The following SLIT3 variants were observed in gnomAD, a reference collection of about 807,000 sequenced individuals.
SLIT3 encodes the protein slit guidance ligand 3, also known as slit homolog 3 protein.
In SLIT3, 68 loss-of-function variants were observed where a neutral mutation model predicts 184.0. That is an observed-to-expected ratio of 0.37 (90% confidence interval 0.30 to 0.45). The LOEUF is 0.45. Ranked by LOEUF, SLIT3 falls within the 20% of genes least tolerant of loss-of-function variation. The pLI, the probability that SLIT3 is intolerant of heterozygous loss-of-function variation, is 1.00. For synonymous variants in SLIT3, 831 were observed against 828.6 expected, an observed-to-expected ratio of 1.00 and a Z score of -0.05; for missense variants, 1,707 against 2,026.0, an observed-to-expected ratio of 0.84 and a Z score of 3.02.
At chr5:168,734,036 G>T (rs1181044969) in intron 20 of SLIT3, among the ~76,000 whole-genome samples, 2 of 152,072 alleles carry the variant, frequency 1.3e-5, no homozygotes, top group Non-Finnish European at 2.9e-5. Context: ...GACTACAAAA[G>T]GTAGGAGGGT....
chr5:169,062,704 G>A (rs1758216606), intron 4 of SLIT3, among the ~76,000 whole-genome samples: 2 of 152,314 alleles, frequency 1.3e-5, no homozygotes, highest in Middle Eastern at 3.4e-3. Context: ...TCAAAACAGT[G>A]TAAATTCCAT....
At chr5:168,829,786 G>T (rs190681719) in intron 6 of SLIT3, among the ~76,000 whole-genome samples, 1 of 152,216 alleles carries the variant, frequency 6.6e-6, no homozygotes, top group African/African-American at 2.4e-5. Context: ...TCCTGTGGCC[G>T]GACCCTGTGA....
intron 4 of SLIT3, among the ~76,000 whole-genome samples, chr5:168,987,800 C>T (rs911986117): frequency 5.3e-5 from 8 of 152,178 alleles, no homozygotes; most frequent in African/African-American, 1.9e-4. Flanking sequence ...ATTTCCAGAA[C>T]GGGAAAGAAC....
At chr5:169,150,605 T>C (rs548105923) in intron 4 of SLIT3, among the ~76,000 whole-genome samples, 1 of 152,216 alleles carries the variant, frequency 6.6e-6, no homozygotes, top group African/African-American at 2.4e-5. Context: ...AATGTCTGTT[T>C]TAATCGCCCT....
At chr5:169,202,881 C>A (rs1763947751) in intron 3 of SLIT3, among the ~76,000 whole-genome samples, 1 of 147,172 alleles carries the variant, frequency 6.8e-6, no homozygotes, top group Non-Finnish European at 1.5e-5. Context: ...TCTCCAATGA[C>A]ATGGCTGTTA....
rs1757595256 is a variant in SLIT3, at chr5:168,823,341, T to C, written c.558-10A>G. ...GTTGTTGTTGAGGGTACTGTGGAGATAGACAAGGGAGATGGTCAGCCAGGC... is the reference window on the plus strand; with the variant it reads ...GTTGTTGTTGAGGGTACTGTGGAGACAGACAAGGGAGATGGTCAGCCAGGC... On this transcript the variant is annotated splice_polypyrimidine_tract_variant and intron_variant, in intron 6 of 35. Coordinates refer to ENST00000519560, the MANE Select transcript of SLIT3 (RefSeq NM_003062.4). 1.2e-6 allele frequency: 2 copies of C among 1,609,108 alleles called. No homozygotes were observed. The highest frequency in any genetic ancestry group is 1.1e-5 in the South Asian group (1 of 90,976).
intron 4 of SLIT3, among the ~76,000 whole-genome samples, chr5:168,919,441 T>C (rs1350137599): frequency 6.6e-6 from 1 of 152,068 alleles, no homozygotes; most frequent in Non-Finnish European, 1.5e-5. Flanking sequence ...AATAATTATG[T>C]TTTGAGATGG....
chr5:169,195,489 A>T (rs533003406), intron 3 of SLIT3, among the ~76,000 whole-genome samples: 1 of 152,316 alleles, frequency 6.6e-6, no homozygotes, highest in African/African-American at 2.4e-5. Context: ...AAGTTGGATA[A>T]GATAAGCTCT....
intron 4 of SLIT3, among the ~76,000 whole-genome samples, chr5:168,989,967 C>G (rs1755266231): frequency 6.6e-6 from 1 of 152,172 alleles, no homozygotes; most frequent in South Asian, 2.1e-4. Context: ...GCTGAGTAAA[C>G]AAGAAAGTCC....
In SLIT3 at chr5:169,077,657, G is replaced by A. The variant is rs183719268; in HGVS notation, c.413+115822C>T. ...TTAGGCTATTAGTAGCTAAGTTTTC[G>A]GGGAGTCAAAAGTTAAACAGAGATT... On this transcript the variant is annotated intron_variant, in intron 4 of 35. Transcript: ENST00000519560. Among the ~76,000 whole-genome samples, 27 of 152,130 alleles carry A rather than the reference G, an allele frequency of 1.8e-4. 2 individuals carry two copies. Among genetic ancestry groups the A allele is most frequent in the Admixed American group, 1.2e-3 (18 of 15,284 alleles).
At chr5:169,063,611 G>A (rs890563274) in intron 4 of SLIT3, among the ~76,000 whole-genome samples, 2 of 152,202 alleles carry the variant, frequency 1.3e-5, no homozygotes, top group Non-Finnish European at 2.9e-5. Flanking sequence ...TCCCGTGTGC[G>A]TGAGTGAGAA....
chr5:168,896,089 C>A (rs1465587643), intron 4 of SLIT3, among the ~76,000 whole-genome samples: 2 of 152,182 alleles, frequency 1.3e-5, no homozygotes, highest in African/African-American at 4.8e-5. Context: ...GACTGTTCAT[C>A]CCCTATAGCC....
rs77969776 is a variant in SLIT3, at chr5:168,781,654, C to T, written c.1151+4253G>A. 9.9e-4 allele frequency among the ~76,000 whole-genome samples: 150 copies of T among 152,232 alleles called. 3 individuals carry two copies. The East Asian group carries it at 0.022, about 23-fold the overall frequency. On this transcript the variant is annotated intron_variant, in intron 12 of 35. Transcript: ENST00000519560. ...AGAGAAAGTTCCATGGACACAGAGCCGTGAATTATGCTGAGCCATAACAAA... is the reference window on the plus strand; with the variant it reads ...AGAGAAAGTTCCATGGACACAGAGCTGTGAATTATGCTGAGCCATAACAAA...
Position 168,900,519 on chromosome 5 carries a change from G to A in SLIT3, c.414-17183C>T, listed in dbSNP as rs186611418. ...AGTCCCAGCTACACAAGAGGTGGAG[G>A]TAGGAGAATTGCTTGAACCTGGGAG... On this transcript the variant is annotated intron_variant, in intron 4 of 35. Transcript: ENST00000519560. 3.9e-4 allele frequency among the ~76,000 whole-genome samples: 60 copies of A among 152,260 alleles called. No individual in the cohort carries two copies. In the East Asian group the frequency reaches 0.011, roughly 29 times the overall value.
chr5:168,687,794 T>C (rs543575424), intron 29 of SLIT3, among the ~76,000 whole-genome samples: 1 of 152,342 alleles, frequency 6.6e-6, no homozygotes, highest in South Asian at 2.1e-4. Context: ...AGGAATACGA[T>C]ACTGTTTGCA....
intron 4 of SLIT3, among the ~76,000 whole-genome samples, chr5:168,957,104 C>T (rs1372312136): frequency 6.6e-6 from 1 of 151,732 alleles, no homozygotes; most frequent in Non-Finnish European, 1.5e-5. Context: ...TGGCGGGTGC[C>T]TATAATCCCA....
intron 5 of SLIT3, among the ~76,000 whole-genome samples, chr5:168,863,415 G>A (rs1273384276): frequency 6.6e-6 from 1 of 152,220 alleles, no homozygotes; most frequent in Non-Finnish European, 1.5e-5. Flanking sequence ...CATGGGGTTG[G>A]CTGCTGGTGA....
chr5:168,761,368 T>C (rs1755141976), intron 15 of SLIT3, among the ~76,000 whole-genome samples: 1 of 152,138 alleles, frequency 6.6e-6, no homozygotes. Flanking sequence ...ACTTCACAGG[T>C]ATTCAGGGAG....
intron 5 of SLIT3, among the ~76,000 whole-genome samples, chr5:168,850,350 T>C (rs1248610323): frequency 1.3e-5 from 2 of 152,146 alleles, no homozygotes; most frequent in African/African-American, 2.4e-5. Flanking sequence ...CATATAGATA[T>C]GTTTACTGAT....
Sources: gnomAD v4.1 joint callset for allele counts (sites outside exome capture counted in the v4.1 genomes callset) on GRCh38, gnomAD v4.1.1 for gene constraint, MANE v1.5 for transcripts, NCBI Gene and HGNC (gene_info 2026-07-23, HGNC 2026-07-21) for gene names.